ARHGAP22: variants seen among roughly 807,000 people sequenced by gnomAD.
The protein encoded by ARHGAP22 is rho GTPase-activating protein 22.
A neutral mutation model predicts 59.1 loss-of-function variants in ARHGAP22; 48 were observed. The ratio of observed to expected loss-of-function variants is 0.81; its 90% confidence interval spans 0.64 to 1.03. The LOEUF is 1.03. ARHGAP22 is among the 50% of genes least tolerant of loss of function. The pLI is 0.00. For synonymous variants in ARHGAP22, 445 were observed against 416.4 expected (o/e 1.07, Z -0.84); for missense variants, 1,015 against 958.7 (o/e 1.06, Z -0.78).
chr10:48,558,592 C>T (rs2057475530), intron 2 of ARHGAP22, among the ~76,000 whole-genome samples: 3 of 152,100 alleles, frequency 2.0e-5, no homozygotes, highest in Admixed American at 2.0e-4. Context: ...GTCTCGATTT[C>T]CTGGGCTCAA....
intron 1 of ARHGAP22, among the ~76,000 whole-genome samples, chr10:48,629,826 C>T (rs911919563): frequency 7.2e-5 from 11 of 152,228 alleles, no homozygotes; most frequent in African/African-American, 2.6e-4. Context: ...TCTTCCAATC[C>T]GCAAACACAG....
chr10:48,548,364 G>A (rs2056629431), intron 3 of ARHGAP22, among the ~76,000 whole-genome samples: 1 of 152,016 alleles, frequency 6.6e-6, no homozygotes, highest in Non-Finnish European at 1.5e-5. Flanking sequence ...CCCCATTTAC[G>A]GTTACTCACT....
intron 1 of ARHGAP22, among the ~76,000 whole-genome samples, chr10:48,596,833 G>C (rs2060094445): frequency 6.6e-6 from 1 of 152,200 alleles, no homozygotes; most frequent in African/African-American, 2.4e-5. Flanking sequence ...ACATGGGTCT[G>C]ATGTGGCTGT....
At position 48,587,056 on chromosome 10, in the gene ARHGAP22, G is replaced by A. The variant is rs1564942167; in HGVS notation, c.35-3904C>T. ...GCTGCTCTGCAACCTCAGCAGCCCC[G>A]TGTGGAGGACACAGACTTGGAAGAA... On this transcript the variant is annotated intron_variant, in intron 1 of 9. Coordinates refer to ENST00000249601, the MANE Select transcript of ARHGAP22 (RefSeq NM_021226.4). Among the ~76,000 whole-genome samples, 3 of 152,308 alleles carry A rather than the reference G, an allele frequency of 2.0e-5. No individual in the cohort carries two copies. The South Asian group carries it at 6.2e-4, about 32-fold the overall frequency.
intron 3 of ARHGAP22, among the ~76,000 whole-genome samples, chr10:48,538,112 G>C (rs2055550170): frequency 6.6e-6 from 1 of 152,220 alleles, no homozygotes; most frequent in Non-Finnish European, 1.5e-5. Flanking sequence ...AGAAGTCCAG[G>C]ATCGCGGTGG....
intron 1 of ARHGAP22, among the ~76,000 whole-genome samples, chr10:48,631,662 A>G (rs1360570134): frequency 6.6e-6 from 1 of 152,160 alleles, no homozygotes; most frequent in Non-Finnish European, 1.5e-5. Flanking sequence ...CAGTTCCTCC[A>G]TCCTGTTCCT....
intron 1 of ARHGAP22, among the ~76,000 whole-genome samples, chr10:48,643,064 G>T (rs1048274337): frequency 6.6e-6 from 1 of 152,158 alleles, no homozygotes; most frequent in Non-Finnish European, 1.5e-5. Flanking sequence ...AGTTAGAATG[G>T]CAATCATTAA....
intron 1 of ARHGAP22, among the ~76,000 whole-genome samples, chr10:48,599,875 C>T (rs1018259214): frequency 2.6e-5 from 4 of 152,164 alleles, no homozygotes; most frequent in African/African-American, 9.7e-5. Flanking sequence ...GAGACAGGTG[C>T]TTGTGAGGGT....
At position 48,450,817 on chromosome 10, in the gene ARHGAP22, G is replaced by C. The variant is rs866503395; in HGVS notation, c.1312C>G (p.Leu438Val). Reference protein sequence around the residue: ...WKSSFRQPRSLSGSPKGGGSS... With the variant: ...WKSSFRQPRSVSGSPKGGGSS... Reference sequence around the variant, plus strand: ...CCGCCCCCCTTCGGGCTTCCCGATAGGGACCTCGGCTGCCGGAAGGAGGAC... The same window carrying C: ...CCGCCCCCCTTCGGGCTTCCCGATACGGACCTCGGCTGCCGGAAGGAGGAC... The change falls in exon 9 of 10, where the codon CTA becomes GTA. Residue 438 changes from leucine to valine, a missense_variant. Physicochemically the swap from Leu to Val is conservative, Grantham distance 32 (BLOSUM62 1). Coordinates refer to ENST00000249601, the MANE Select transcript of ARHGAP22 (RefSeq NM_021226.4). 5 of 1,585,006 alleles carry C rather than the reference G, an allele frequency of 3.2e-6. No individual in the cohort carries two copies. The highest frequency in any genetic ancestry group is 4.3e-6 in the Non-Finnish European group (5 of 1,166,402).
intron 3 of ARHGAP22, among the ~76,000 whole-genome samples, chr10:48,521,757 C>T (rs765607615): frequency 3.9e-5 from 6 of 152,214 alleles, no homozygotes; most frequent in Non-Finnish European, 5.9e-5. Flanking sequence ...ATGTCCAAAG[C>T]AGCATTTCTC....
chr10:48,524,169 C>G (rs2054101209), intron 3 of ARHGAP22: 11 of 1,145,942 alleles, frequency 9.6e-6, no homozygotes, highest in Non-Finnish European at 1.1e-5. Context: ...CCCGGGGCGG[C>G]GCGGCCGAGG....
At chr10:48,507,485 G>T (rs1445110593) in intron 3 of ARHGAP22, among the ~76,000 whole-genome samples, 2 of 152,210 alleles carry the variant, frequency 1.3e-5, no homozygotes, top group African/African-American at 4.8e-5. Context: ...AGCAAGAGAA[G>T]AAACAGGAAA....
At chr10:48,500,437 A>C (rs531091378) in intron 3 of ARHGAP22, among the ~76,000 whole-genome samples, 18 of 152,312 alleles carry the variant, frequency 1.2e-4, no homozygotes, top group Non-Finnish European at 1.9e-4. Context: ...ACTCACACAC[A>C]TATGGGAGTT....
At chr10:48,600,118 G>T (rs2060294663) in intron 1 of ARHGAP22, among the ~76,000 whole-genome samples, 1 of 152,184 alleles carries the variant, frequency 6.6e-6, no homozygotes, top group African/African-American at 2.4e-5. Context: ...TTGGTGTAAA[G>T]ATTAAAATAG....
At position 48,605,019 on chromosome 10, in the gene ARHGAP22, A is replaced by C; in HGVS notation, c.-223T>G. Reference sequence around the variant, plus strand: ...TGCATTATTTATCCATCCCAGAATTAATTCCCATCCAAGCGGACCATTAAA... The same window carrying C: ...TGCATTATTTATCCATCCCAGAATTCATTCCCATCCAAGCGGACCATTAAA... On this transcript the variant is annotated 5_prime_UTR_variant, in exon 1 of 10. The change creates a new upstream start codon in the 5' untranslated region. Transcript: ENST00000249601. 2.1e-6 allele frequency: 3 copies of C among 1,437,560 alleles called. No homozygotes were observed. The highest frequency in any genetic ancestry group is 2.7e-6 in the Non-Finnish European group (3 of 1,098,860). The allele number at this position is 1,437,560 out of a possible 1,614,324, so 89.1% of individuals were successfully genotyped here. A position where few individuals can be genotyped will look rare whatever the true frequency, so the allele number is the denominator to read the frequency against.
upstream of ARHGAP22, among the ~76,000 whole-genome samples, chr10:48,652,864 C>T (rs908503495): frequency 6.6e-6 from 1 of 152,158 alleles, no homozygotes; most frequent in African/African-American, 2.4e-5. Flanking sequence ...CCAGGAGCAC[C>T]CCATGTGAGA....
intron 1 of ARHGAP22, among the ~76,000 whole-genome samples, chr10:48,622,414 T>C (rs2061315676): frequency 6.6e-6 from 1 of 152,206 alleles, no homozygotes. Flanking sequence ...GCACCCTCTT[T>C]TTGCTTTTAT....
intron 1 of ARHGAP22, among the ~76,000 whole-genome samples, chr10:48,638,084 C>T (rs1056636538): frequency 6.6e-6 from 1 of 152,174 alleles, no homozygotes; most frequent in African/African-American, 2.4e-5. Flanking sequence ...CCTCCTAGAG[C>T]CATTCCCTTA....
At position 48,450,587 on chromosome 10, in the gene ARHGAP22, C is replaced by T. The variant is rs2045825864; in HGVS notation, c.1542G>A (p.Gly514=). ...CCACCGACGACTCGCTGGACGAGGC[C>T]CCGGACCACGCCATACTGGCCACGC... ...IPSVASMAWS[G]ASSSESSVGG... is the part of the protein sequence containing the mutation. Residue 514 remains glycine (G), a synonymous_variant, in exon 9 of 10, where the codon GGG becomes GGA. Coordinates refer to ENST00000249601, the MANE Select transcript of ARHGAP22 (RefSeq NM_021226.4). The T allele has an allele frequency of 1.3e-6, 2 of 1,543,346 alleles. No homozygotes were observed. The highest frequency in any genetic ancestry group is 1.7e-6 in the Non-Finnish European group (2 of 1,145,406).
Sources: gnomAD v4.1 joint callset for allele counts (sites outside exome capture counted in the v4.1 genomes callset) on GRCh38, gnomAD v4.1.1 for gene constraint, MANE v1.5 for transcripts, NCBI Gene and HGNC (gene_info 2026-07-23, HGNC 2026-07-21) for gene names.